The following PTS variants were observed in gnomAD, a reference collection of about 807,000 sequenced individuals.
The protein encoded by PTS is 6-pyruvoyl tetrahydrobiopterin synthase.
PTS carries 23 observed loss-of-function variants against 20.6 expected under a neutral mutation model. The observed-to-expected ratio is 1.12, with a 90% CI of 0.80 to 1.58. The LOEUF is 1.58. PTS is among the 40% of genes most tolerant of loss of function. PTS has a pLI of 0.00. For missense variants in PTS, 186 were observed against 182.4 expected (o/e 1.02, Z -0.11); for synonymous variants, 65 against 62.5 (o/e 1.04, Z -0.19).
intron 3 of PTS, 127 bp from the exon 4 acceptor site, chr11:112,230,499 C>T (rs1276724050): frequency 3.3e-6 from 3 of 913,282 alleles, no homozygotes; most frequent in Non-Finnish European, 5.4e-6. Context: ...CAATGATTAT[C>T]TCTGGGATGA....
At chr11:112,233,075 A>C in intron 4 of PTS, 88 bp from the exon 5 acceptor site, 1 of 1,189,588 alleles carries the variant, frequency 8.4e-7, no homozygotes, top group Non-Finnish European at 1.3e-6. Context: ...GCTAAGTGAT[A>C]AGGTGAGGTT....
In PTS at chr11:112,228,578, T is replaced by A; in HGVS notation, c.84-16T>A. ...ATACTTGTGTCATGCTGACTTTTTT[T>A]TTTTTTTTTGGTCAGTAAATTTCTA... On this transcript the variant is annotated splice_polypyrimidine_tract_variant and intron_variant, in intron 1 of 5. Transcript: ENST00000280362. 1 of 1,552,104 alleles carries A rather than the reference T, an allele frequency of 6.4e-7. No homozygotes were observed. Among genetic ancestry groups the A allele is most frequent in the Non-Finnish European group, 8.7e-7 (1 of 1,155,626 alleles).
chr11:112,230,711 G>C, intron 4 of PTS, 29 bp downstream of exon 4: 1 of 1,572,096 alleles, frequency 6.4e-7, no homozygotes, highest in Non-Finnish European at 8.8e-7. Context: ...CTTATTATGT[G>C]CTATTCCCTA....
In PTS at chr11:112,230,281, T is replaced by C. The variant is rs377691779; in HGVS notation, c.186+51T>C. 3.4e-5 allele frequency: 53 copies of C among 1,578,732 alleles called. No homozygotes were observed. In the African/African-American group the frequency reaches 6.9e-4, roughly 20 times the overall value. Reference sequence around the variant, plus strand: ...TTTTTGCAGATTGCTGGGCTCTCTTTCAGCCAGTGTGGTGGATTCTGTGTT... The same window carrying C: ...TTTTTGCAGATTGCTGGGCTCTCTTCCAGCCAGTGTGGTGGATTCTGTGTT... On this transcript the variant is annotated intron_variant, in intron 3 of 5. Coordinates refer to ENST00000280362, the MANE Select transcript of PTS (RefSeq NM_000317.3).
At chr11:112,227,846 A>G (rs1350211169) in intron 1 of PTS, among the ~76,000 whole-genome samples, 1 of 142,676 alleles carries the variant, frequency 7.0e-6, no homozygotes. Flanking sequence ...GAGGGGACAA[A>G]CATCCAAACT....
Position 112,233,575 on chromosome 11 carries a change from AC to A in PTS, c.*21del, listed in dbSNP as rs1249035921. On this transcript the variant is annotated 3_prime_UTR_variant, in exon 6 of 6. Transcript: ENST00000280362. ...GAATAGCTATTGGGGTTAGCATTGC[AC>A]AAAGCCCAGTTTCTTTCTGTGTTTG... The A allele has an allele frequency of 7.4e-6, 12 of 1,613,018 alleles. No individual in the cohort carries two copies. The highest frequency in any genetic ancestry group is 1.0e-5 in the Non-Finnish European group (12 of 1,179,616).
chr11:112,230,186 GT>G (rs1292081466), intron 2 of PTS, 21 bp from the exon 3 acceptor site: 18 of 1,608,704 alleles, frequency 1.1e-5, no homozygotes, highest in Non-Finnish European at 1.5e-5. Context: ...TGTTTTTTTT[GT>G]ATTTTGTTTT....
chr11:112,227,037 C>G (rs1232747342), intron 1 of PTS, among the ~76,000 whole-genome samples: 3 of 150,208 alleles, frequency 2.0e-5, no homozygotes, highest in Non-Finnish European at 3.0e-5. Context: ...TGAACCCAGT[C>G]CCTGGTGGTC....
intron 1 of PTS, chr11:112,228,166 G>C (rs564988762): frequency 4.0e-4 from 69 of 173,010 alleles, no homozygotes; most frequent in African/African-American, 1.4e-3. Flanking sequence ...ATTTTTTCTG[G>C]ATGAGTAGTT....
Position 112,226,525 on chromosome 11 carries a change from A to T in PTS, c.82A>T (p.Ser28Cys). Reference protein sequence around the residue: ...ISFSASHRLYSKFLSDEENLK... With the variant: ...ISFSASHRLYCKFLSDEENLK... ...CTTCAGCGCGAGCCACCGATTGTACAGGTAGGGTGTGCACACAGGTACAGC... is the reference window on the plus strand; with the variant it reads ...CTTCAGCGCGAGCCACCGATTGTACTGGTAGGGTGTGCACACAGGTACAGC... The change falls in exon 1 of 6, where the codon AGT (serine) becomes TGT (cysteine). Residue 28 changes from serine (S) to cysteine (C), a missense_variant and splice_region_variant. Ser to Cys is a moderately radical substitution (Grantham distance 112, BLOSUM62 -1). Transcript: ENST00000280362. 1.3e-6 allele frequency: 2 copies of T among 1,581,734 alleles called. No individual in the cohort carries two copies. The highest frequency in any genetic ancestry group is 1.7e-6 in the Non-Finnish European group (2 of 1,166,188).
chr11:112,230,285 C>A, intron 3 of PTS, 55 bp downstream of exon 3: 1 of 1,568,482 alleles, frequency 6.4e-7, no homozygotes, highest in Non-Finnish European at 8.8e-7. Flanking sequence ...TCTCTTTCAG[C>A]CAGTGTGGTG....
Position 112,233,564 on chromosome 11 carries a change from G to T in PTS, c.*9G>T. ...TTTATAAAGGAGAATAGCTATTGGG[G>T]TTAGCATTGCACAAAGCCCAGTTTC... On this transcript the variant is annotated 3_prime_UTR_variant, in exon 6 of 6. Transcript: ENST00000280362. The T allele has an allele frequency of 1.2e-6, 2 of 1,613,376 alleles. No homozygotes were observed. The highest frequency in any genetic ancestry group is 1.7e-6 in the Non-Finnish European group (2 of 1,179,722).
At chr11:112,232,360 A>G (rs1185934800) in intron 4 of PTS, among the ~76,000 whole-genome samples, 1 of 152,216 alleles carries the variant, frequency 6.6e-6, no homozygotes, top group East Asian at 1.9e-4. Flanking sequence ...TTCATGTGGA[A>G]CATCCCTTCA....
intron 1 of PTS, 133 bp downstream of exon 1, chr11:112,226,659 T>C: frequency 3.3e-6 from 2 of 613,484 alleles, no homozygotes; most frequent in Non-Finnish European, 4.8e-6. Flanking sequence ...CGCGCGCTGG[T>C]CGGCTTCGTG....
rs104894274 is a variant in PTS, at chr11:112,226,489, C to T, written c.46C>T (p.Arg16Cys). 47 of 1,586,340 alleles carry T rather than the reference C, an allele frequency of 3.0e-5. No individual in the cohort carries two copies. The highest frequency in any genetic ancestry group is 3.8e-5 in the Non-Finnish European group (44 of 1,168,888). The change falls in exon 1 of 6, where the codon CGC becomes TGC. Residue 16 changes from arginine (R) to cysteine (C), a missense_variant. Arg to Cys is a radical substitution (Grantham distance 180). Coordinates refer to ENST00000280362, the MANE Select transcript of PTS (RefSeq NM_000317.3). Reference protein sequence around the residue: ...GGRRCQAQVSRRISFSASHRL... With the variant: ...GGRRCQAQVSCRISFSASHRL... ...CCGTCGCTGCCAGGCACAAGTGTCC[C>T]GCCGCATCTCCTTCAGCGCGAGCCA...
In PTS at chr11:112,226,661, G is replaced by T. The variant is rs1859869335; in HGVS notation, c.83+135G>T. On this transcript the variant is annotated intron_variant, in intron 1 of 5. Coordinates refer to ENST00000280362, the MANE Select transcript of PTS (RefSeq NM_000317.3). ...GCTGCTGGGGCGACGCGCGCTGGTC[G>T]GCTTCGTGGGGCTTCGGACGGCCTC... 8 of 530,064 alleles carry T rather than the reference G, an allele frequency of 1.5e-5. No individual in the cohort carries two copies. The East Asian group carries it at 2.5e-4, about 16-fold the overall frequency. The allele number at this position is 530,064 out of a possible 1,614,324, so 32.8% of individuals were successfully genotyped here. A position where few individuals can be genotyped will look rare whatever the true frequency, so the allele number is the denominator to read the frequency against.
chr11:112,230,391 C>T (rs1477596114), intron 3 of PTS, 161 bp downstream of exon 3: 1 of 937,062 alleles, frequency 1.1e-6, no homozygotes, highest in Non-Finnish European at 1.8e-6. Context: ...GGCCTCTCCT[C>T]TACCAAAGTG....
Position 112,228,657 on chromosome 11 carries a change from T to C in PTS, c.147T>C (p.His49=). ...GGAAATGCAACAATCCAAATGGCCA[T>C]GGGCACAATTATAAAGGTGAGAGAA... The part of the protein sequence containing the change: ...LFGKCNNPNG[H]GHNYKVVVTV... The change falls in exon 2 of 6, where the codon CAT becomes CAC. Residue 49 remains histidine, a synonymous_variant. Coordinates refer to ENST00000280362, the MANE Select transcript of PTS (RefSeq NM_000317.3). The C allele has an allele frequency of 6.2e-7, 1 of 1,611,140 alleles. No homozygotes were observed. The highest frequency in any genetic ancestry group is 8.5e-7 in the Non-Finnish European group (1 of 1,178,696).
intron 3 of PTS, 179 bp from the exon 4 acceptor site, chr11:112,230,447 T>C (rs1859915820): frequency 1.3e-6 from 1 of 794,110 alleles, no homozygotes; most frequent in Non-Finnish European, 2.2e-6. Flanking sequence ...GGCTATACAA[T>C]GAAAAGGATG....
Sources: allele counts gnomAD v4.1 joint callset (sites outside exome capture counted in the v4.1 genomes callset), GRCh38; gene constraint gnomAD v4.1.1; transcripts MANE v1.5; gene names NCBI Gene and HGNC (gene_info 2026-07-23, HGNC 2026-07-21).